Variants in GALNT18 observed in about 807,000 individuals in gnomAD.
GALNT18 encodes GalNAc-transferase 18.
GALNT18 carries 44 observed loss-of-function variants against 69.5 expected under a neutral mutation model. The observed-to-expected ratio is 0.63, with a 90% CI of 0.50 to 0.81. The LOEUF (loss-of-function observed/expected upper bound fraction) is 0.81, where lower values mean the gene tolerates loss of function less well. GALNT18 is among the 40% of genes least tolerant of loss of function. GALNT18 has a pLI of 0.00. For synonymous variants in GALNT18, 364 were observed against 318.2 expected (o/e 1.14, Z -1.53); for missense variants, 715 against 810.0 (o/e 0.88, Z 1.42).
Position 11,293,045 on chromosome 11 carries a change from T to C in GALNT18, c.1661A>G (p.His554Arg). The change falls in exon 10 of 11, where the codon CAC (histidine) becomes CGC (arginine). Residue 554 changes from histidine to arginine, a missense_variant. Coordinates refer to ENST00000227756, the MANE Select transcript of GALNT18 (RefSeq NM_198516.3). ...SYAKAKRMKL[H>R]WQFSQGGPIQ... ...GGCTGTTACCTGAGAGAACTGCCAG[T>C]GAAGCTTCATCCTCTTGGCTTTGGC... 1 of 1,385,184 alleles carries C rather than the reference T, an allele frequency of 7.2e-7. No individual in the cohort carries two copies. The highest frequency in any genetic ancestry group is 1.9e-5 in the South Asian group (1 of 51,508). The allele number at this position is 1,385,184 out of a possible 1,614,324, so 85.8% of individuals were successfully genotyped here. A position where few individuals can be genotyped will look rare whatever the true frequency, so the allele number is the denominator to read the frequency against.
intron 2 of GALNT18, among the ~76,000 whole-genome samples, chr11:11,437,331 A>T (rs925632651): frequency 4.7e-5 from 7 of 148,742 alleles, no homozygotes; most frequent in Non-Finnish European, 7.6e-5. Context: ...CACTAGAGAT[A>T]AAAAAAACAA....
Position 11,389,070 on chromosome 11 carries a change from A to G in GALNT18, c.596-9806T>C, listed in dbSNP as rs545539745. ...CAGAGCTAGAAGATGGCAGAGCTGAAAAGCAAACCCAGGCAACCTGAAGAT... is the reference window on the plus strand; with the variant it reads ...CAGAGCTAGAAGATGGCAGAGCTGAGAAGCAAACCCAGGCAACCTGAAGAT... On this transcript the variant is annotated intron_variant, in intron 3 of 10. Coordinates refer to ENST00000227756, the MANE Select transcript of GALNT18 (RefSeq NM_198516.3). This position sits in a 1 kb window ranked among gnomAD's most constrained non-coding sequence, Gnocchi z 4.3. 3.9e-5 allele frequency among the ~76,000 whole-genome samples: 6 copies of G among 152,368 alleles called. No homozygotes were observed. In the South Asian group the frequency reaches 1.2e-3, roughly 32 times the overall value.
chr11:11,554,731 G>A (rs1338519251), intron 1 of GALNT18, among the ~76,000 whole-genome samples: 1 of 152,140 alleles, frequency 6.6e-6, no homozygotes, highest in Admixed American at 6.5e-5. Context: ...CGGCTATGTT[G>A]GAAGAAGTGT....
chr11:11,531,980 TGC>T (rs1276312980), intron 1 of GALNT18, among the ~76,000 whole-genome samples: 1 of 152,208 alleles, frequency 6.6e-6, no homozygotes, highest in Non-Finnish European at 1.5e-5. Flanking sequence ...CAGCTGTGTA[TGC>T]GTGTGTGTCA....
At chr11:11,537,664 T>C (rs987429053) in intron 1 of GALNT18, among the ~76,000 whole-genome samples, 3 of 152,178 alleles carry the variant, frequency 2.0e-5, no homozygotes, top group Admixed American at 6.5e-5. Flanking sequence ...CAAAACCCAG[T>C]CCTTGGACTT....
chr11:11,485,071 A>T (rs1374640778), intron 1 of GALNT18, among the ~76,000 whole-genome samples: 1 of 152,252 alleles, frequency 6.6e-6, no homozygotes. Context: ...AGAACCTGTC[A>T]GAAGACAATG....
chr11:11,352,370 C>T (rs1183352282), intron 6 of GALNT18: 1 of 1,613,960 alleles, frequency 6.2e-7, no homozygotes, highest in African/African-American at 1.3e-5. Flanking sequence ...AATCTTCTGT[C>T]CCCAGAAACT....
chr11:11,363,737 A>G (rs918540208), intron 6 of GALNT18, among the ~76,000 whole-genome samples: 20 of 152,226 alleles, frequency 1.3e-4, no homozygotes, highest in African/African-American at 4.6e-4. Flanking sequence ...GGACCAACCC[A>G]GTAGCAATGA....
chr11:11,485,939 G>C lies in GALNT18; in HGVS notation c.236-37003C>G, dbSNP rs146133429. Among the ~76,000 whole-genome samples, 312 of 152,288 alleles carry C rather than the reference G, an allele frequency of 2.0e-3. 1 individual carries two copies. The highest frequency in any genetic ancestry group is 7.1e-3 in the African/African-American group (295 of 41,564). ...GTAATCTTCTCTAGGGAGGCCTATTGTGATCCTGAACCTTGCACATGAGTG... is the reference window on the plus strand; with the variant it reads ...GTAATCTTCTCTAGGGAGGCCTATTCTGATCCTGAACCTTGCACATGAGTG... On this transcript the variant is annotated intron_variant, in intron 1 of 10. Transcript: ENST00000227756.
chr11:11,560,077 G>A (rs1444321814), intron 1 of GALNT18, among the ~76,000 whole-genome samples: 363 of 41,292 alleles, frequency 8.8e-3, no homozygotes, highest in Middle Eastern at 0.037. Flanking sequence ...GAATAGAATG[G>A]GATATGATGG....
intron 1 of GALNT18, among the ~76,000 whole-genome samples, chr11:11,577,847 TG>T (rs1203838080): frequency 6.6e-6 from 1 of 152,156 alleles, no homozygotes; most frequent in Non-Finnish European, 1.5e-5. Flanking sequence ...GTTATTGGTG[TG>T]GCCAAGGCTT....
At chr11:11,458,360 C>T (rs1357557785) in intron 1 of GALNT18, among the ~76,000 whole-genome samples, 1 of 152,126 alleles carries the variant, frequency 6.6e-6, no homozygotes, top group African/African-American at 2.4e-5. Flanking sequence ...ATTTATATAC[C>T]ATAAAATTCA....
chr11:11,615,333 CT>C, intron 1 of GALNT18, among the ~76,000 whole-genome samples: 1 of 152,310 alleles, frequency 6.6e-6, no homozygotes, highest in South Asian at 2.1e-4. Flanking sequence ...CCTGCTGTTA[CT>C]GACCTGGTAT....
chr11:11,550,839 T>G (rs1431216062), intron 1 of GALNT18, among the ~76,000 whole-genome samples: 1 of 152,238 alleles, frequency 6.6e-6, no homozygotes, highest in South Asian at 2.1e-4. Flanking sequence ...AACAGCCACA[T>G]GTGACTAGTG....
At chr11:11,452,008 A>T (rs1295491133) in intron 1 of GALNT18, among the ~76,000 whole-genome samples, 1 of 152,204 alleles carries the variant, frequency 6.6e-6, no homozygotes, top group Non-Finnish European at 1.5e-5. Flanking sequence ...GGAGCTGAAG[A>T]GCAGAGTTGA....
At position 11,607,397 on chromosome 11, in the gene GALNT18, G is replaced by C. The variant is rs543366651; in HGVS notation, c.235+13962C>G. Among the ~76,000 whole-genome samples, 10 of 152,294 alleles carry C rather than the reference G, an allele frequency of 6.6e-5. No homozygotes were observed. In the East Asian group the frequency reaches 1.9e-3, roughly 29 times the overall value. On this transcript the variant is annotated intron_variant, in intron 1 of 10. Coordinates refer to ENST00000227756, the MANE Select transcript of GALNT18 (RefSeq NM_198516.3). Reference sequence around the variant, plus strand: ...GAATGATTTGCTACAATTCTCTCTAGTAAAGAAGCAAAACCATCCCTCAGT... The same window carrying C: ...GAATGATTTGCTACAATTCTCTCTACTAAAGAAGCAAAACCATCCCTCAGT...
At chr11:11,503,712 G>C (rs1309523049) in intron 1 of GALNT18, among the ~76,000 whole-genome samples, 1 of 152,240 alleles carries the variant, frequency 6.6e-6, no homozygotes, top group Non-Finnish European at 1.5e-5. Flanking sequence ...TTATGAGAAA[G>C]CTTCGCCACC....
intron 3 of GALNT18, among the ~76,000 whole-genome samples, chr11:11,393,076 G>A (rs537817842): frequency 8.5e-5 from 13 of 152,320 alleles, no homozygotes; most frequent in African/African-American, 3.1e-4. Context: ...CAGACAATGG[G>A]AGCAGGCAGT....
chr11:11,579,248 G>A (rs934556956), intron 1 of GALNT18, among the ~76,000 whole-genome samples: 4 of 152,158 alleles, frequency 2.6e-5, no homozygotes, highest in African/African-American at 9.7e-5. Flanking sequence ...GGAACTTACT[G>A]AGCCACCCTG....
Sources: gnomAD v4.1 joint callset for allele counts (sites outside exome capture counted in the v4.1 genomes callset) on GRCh38, gnomAD v4.1.1 for gene constraint, Gnocchi (gnomAD v3.1) non-coding constraint, MANE v1.5 for transcripts, NCBI Gene and HGNC (gene_info 2026-07-23, HGNC 2026-07-21) for gene names.